GULP1: variants seen among roughly 807,000 people sequenced by gnomAD.
GULP1 encodes PTB domain-containing engulfment adapter protein 1.
Under a neutral mutation model 40.9 loss-of-function variants are expected in GULP1, and 19 were observed. The observed-to-expected ratio is 0.46, with a 90% CI of 0.32 to 0.68. The LOEUF is 0.68. Ranked by LOEUF, GULP1 falls within the 30% of genes least tolerant of loss-of-function variation. The pLI is 0.03. For missense variants in GULP1, 312 were observed against 362.2 expected (o/e 0.86, Z 1.12); for synonymous variants, 119 against 117.6 (o/e 1.01, Z -0.08).
At chr2:188,552,374 T>C (rs917364928) in intron 7 of GULP1, among the ~76,000 whole-genome samples, 1 of 151,600 alleles carries the variant, frequency 6.6e-6, no homozygotes, top group Non-Finnish European at 1.5e-5. Flanking sequence ...TTTCATTCTA[T>C]TCAATTCAAT....
At chr2:188,383,203 TTTTTG>T (rs2049234869) in intron 1 of GULP1, among the ~76,000 whole-genome samples, 1 of 152,208 alleles carries the variant, frequency 6.6e-6, no homozygotes, top group Non-Finnish European at 1.5e-5. Flanking sequence ...CCAGAAAGAA[TTTTTG>T]TTTTGTTTGT....
intron 1 of GULP1, among the ~76,000 whole-genome samples, chr2:188,319,313 C>T (rs2039612165): frequency 6.6e-6 from 1 of 152,000 alleles, no homozygotes; most frequent in South Asian, 2.1e-4. Context: ...CTTCATGGCC[C>T]CCTTACACCC....
chr2:188,456,581 G>A (rs1336950155), intron 2 of GULP1, among the ~76,000 whole-genome samples: 1 of 152,180 alleles, frequency 6.6e-6, no homozygotes, highest in Non-Finnish European at 1.5e-5. Flanking sequence ...ATGCCTGGAT[G>A]CCCAGGCAAA....
At chr2:188,585,286 A>G (rs115987899) in intron 10 of GULP1, among the ~76,000 whole-genome samples, 1,815 of 152,304 alleles carry the variant, frequency 0.012, 14 homozygotes, top group Non-Finnish European at 0.019. Context: ...CACACAGTGC[A>G]AGCTGTTGGT....
At chr2:188,500,441 C>T (rs1268626729) in intron 4 of GULP1, among the ~76,000 whole-genome samples, 1 of 151,890 alleles carries the variant, frequency 6.6e-6, no homozygotes, top group Admixed American at 6.6e-5. Flanking sequence ...TGCTCCTGCA[C>T]ACCAGCTGTG....
chr2:188,521,917 A>T (rs2065822634), intron 4 of GULP1, among the ~76,000 whole-genome samples: 1 of 152,136 alleles, frequency 6.6e-6, no homozygotes, highest in South Asian at 2.1e-4. Context: ...TCTACTAAAA[A>T]TACAAAAAAT....
At chr2:188,438,800 T>G (rs2057667214) in intron 2 of GULP1, among the ~76,000 whole-genome samples, 1 of 151,974 alleles carries the variant, frequency 6.6e-6, no homozygotes, top group Non-Finnish European at 1.5e-5. Context: ...TATATGCTGC[T>G]TAGAGAACTA....
At chr2:188,315,486 G>A (rs1197628000) in intron 1 of GULP1, among the ~76,000 whole-genome samples, 1 of 152,140 alleles carries the variant, frequency 6.6e-6, no homozygotes, top group African/African-American at 2.4e-5. Context: ...GCCTATCAGA[G>A]TCTGTTTCCC....
chr2:188,512,635 C>T (rs1307425058), intron 4 of GULP1, among the ~76,000 whole-genome samples: 1 of 152,022 alleles, frequency 6.6e-6, no homozygotes, highest in African/African-American at 2.4e-5. Context: ...TAAATGAGTC[C>T]ATATGATGTC....
chr2:188,318,106 AATG>A (rs140238323), intron 1 of GULP1, among the ~76,000 whole-genome samples: 14,019 of 152,120 alleles, frequency 0.092, 1,067 homozygotes, highest in African/African-American at 0.2. Flanking sequence ...TGCTCCATAA[AATG>A]ATATGTTAAT....
chr2:188,501,723 T>C (rs917867159), intron 4 of GULP1, among the ~76,000 whole-genome samples: 5 of 151,946 alleles, frequency 3.3e-5, no homozygotes, highest in East Asian at 1.9e-4. Flanking sequence ...TGCTGAGATA[T>C]AAGCCATATA....
intron 9 of GULP1, among the ~76,000 whole-genome samples, chr2:188,570,422 T>G (rs1027058712): frequency 1.3e-5 from 2 of 152,190 alleles, no homozygotes; most frequent in Non-Finnish European, 1.5e-5. Flanking sequence ...CTTCTTTTGT[T>G]TCTATTAATT....
At chr2:188,444,459 T>C (rs1009098038) in intron 2 of GULP1, among the ~76,000 whole-genome samples, 2 of 152,210 alleles carry the variant, frequency 1.3e-5, no homozygotes, top group Admixed American at 6.5e-5. Flanking sequence ...CAGGTTAATA[T>C]TGAGAAAACA....
At chr2:188,456,311 C>A (rs541399021) in intron 2 of GULP1, among the ~76,000 whole-genome samples, 1 of 152,090 alleles carries the variant, frequency 6.6e-6, no homozygotes, top group Non-Finnish European at 1.5e-5. Context: ...CATCACGTGC[C>A]GGAAGGCCTA....
At chr2:188,441,974 A>G (rs1045580530) in intron 2 of GULP1, among the ~76,000 whole-genome samples, 2 of 152,246 alleles carry the variant, frequency 1.3e-5, no homozygotes, top group East Asian at 3.8e-4. Context: ...TTTCAAAAAC[A>G]TAAAAAATAG....
At chr2:188,406,233 G>A (rs2053076892) in intron 2 of GULP1, among the ~76,000 whole-genome samples, 1 of 152,102 alleles carries the variant, frequency 6.6e-6, no homozygotes, top group Admixed American at 6.5e-5. Context: ...AACCTGTACA[G>A]CATGTACATA....
chr2:188,585,580 G>A (rs13027152), intron 10 of GULP1, among the ~76,000 whole-genome samples: 2 of 152,204 alleles, frequency 1.3e-5, no homozygotes, highest in African/African-American at 2.4e-5. Context: ...CCAAGGCTTA[G>A]GGCTTTTACC....
intron 3 of GULP1, among the ~76,000 whole-genome samples, chr2:188,479,763 A>G (rs1441679669): frequency 6.6e-6 from 1 of 152,162 alleles, no homozygotes; most frequent in African/African-American, 2.4e-5. Context: ...AAGGGGGTTT[A>G]GAATGGTTTT....
intron 2 of GULP1, among the ~76,000 whole-genome samples, chr2:188,399,446 A>G (rs2051782071): frequency 6.6e-6 from 1 of 152,106 alleles, no homozygotes; most frequent in South Asian, 2.1e-4. Flanking sequence ...GTACTAGGAG[A>G]GAGTAGGTCC....
Sources: gnomAD v4.1 joint callset for allele counts (sites outside exome capture counted in the v4.1 genomes callset) on GRCh38, gnomAD v4.1.1 for gene constraint, MANE v1.5 for transcripts, NCBI Gene and HGNC (gene_info 2026-07-23, HGNC 2026-07-21) for gene names.